Variants in NUP98 observed in about 807,000 individuals in gnomAD.
The protein encoded by NUP98 is nucleoporin 98 and 96 precursor.
In NUP98, 26 loss-of-function variants were observed where a neutral mutation model predicts 191.9. That is an observed-to-expected ratio of 0.14 (90% CI 0.10 to 0.19). The LOEUF (loss-of-function observed/expected upper bound fraction) is 0.19. Ranked by LOEUF, NUP98 falls within the 10% of genes least tolerant of loss-of-function variation. The probability of loss-of-function intolerance (pLI) is 1.00; values close to 1 mark genes in which losing one functional copy is unlikely to be tolerated. For missense variants in NUP98, 1,941 were observed against 2,178.8 expected (o/e 0.89, Z 2.17); for synonymous variants, 808 against 778.4 (o/e 1.04, Z -0.63).
intron 1 of NUP98, among the ~76,000 whole-genome samples, chr11:3,792,038 G>T (rs987679951): frequency 6.6e-6 from 1 of 151,214 alleles, no homozygotes; most frequent in African/African-American, 2.4e-5. Context: ...AATTAGCCGG[G>T]CATGGTGGCA....
At chr11:3,736,433 A>G (rs2080063133) in intron 12 of NUP98, among the ~76,000 whole-genome samples, 1 of 152,180 alleles carries the variant, frequency 6.6e-6, no homozygotes, top group South Asian at 2.1e-4. Flanking sequence ...TGGCGAGCAG[A>G]TCACTTGAGG....
chr11:3,729,715 CAAAAA>C (rs755816362), intron 14 of NUP98, among the ~76,000 whole-genome samples: 1,139 of 37,382 alleles, frequency 0.03, 35 homozygotes, highest in African/African-American at 0.089. Flanking sequence ...ACTCTTGCCT[CAAAAA>C]AAAAAAAAAA....
intron 29 of NUP98, among the ~76,000 whole-genome samples, chr11:3,684,300 C>G (rs922787282): frequency 1.3e-5 from 2 of 152,104 alleles, no homozygotes; most frequent in Admixed American, 6.5e-5. Context: ...TGGGGCTTGG[C>G]TCGGCGCAGT....
intron 12 of NUP98, among the ~76,000 whole-genome samples, chr11:3,736,191 C>G (rs2080054800): frequency 6.6e-6 from 1 of 152,030 alleles, no homozygotes; most frequent in Non-Finnish European, 1.5e-5. Context: ...CTTGGCCTCC[C>G]AAAATGCCAG....
At chr11:3,765,479 T>A (rs577593421) in intron 8 of NUP98, among the ~76,000 whole-genome samples, 4 of 152,332 alleles carry the variant, frequency 2.6e-5, no homozygotes, top group Middle Eastern at 3.4e-3. Flanking sequence ...AACAGTTTTA[T>A]AATTTTAGGT....
chr11:3,714,375 C>A (rs535239082), intron 18 of NUP98, among the ~76,000 whole-genome samples: 1 of 152,166 alleles, frequency 6.6e-6, no homozygotes, highest in East Asian at 1.9e-4. Flanking sequence ...ACAGCTACTA[C>A]CCATTTACTA....
chr11:3,752,742 T>G (rs1366372948), intron 11 of NUP98, among the ~76,000 whole-genome samples: 2 of 152,150 alleles, frequency 1.3e-5, no homozygotes, highest in African/African-American at 4.8e-5. Context: ...GCTAAAACAC[T>G]TATATATTTT....
chr11:3,783,068 T>G (rs2082028712), intron 1 of NUP98, among the ~76,000 whole-genome samples: 1 of 152,202 alleles, frequency 6.6e-6, no homozygotes, highest in African/African-American at 2.4e-5. Flanking sequence ...CTTCTACTTC[T>G]AAGATTACAG....
At chr11:3,690,434 G>A (rs959833288) in intron 28 of NUP98, among the ~76,000 whole-genome samples, 11 of 151,706 alleles carry the variant, frequency 7.3e-5, no homozygotes, top group South Asian at 4.2e-4. Flanking sequence ...TAATTTTTTT[G>A]TATTTTTAGT....
chr11:3,690,625 A>G (rs1277019577), intron 28 of NUP98, among the ~76,000 whole-genome samples: 3 of 152,222 alleles, frequency 2.0e-5, no homozygotes, highest in Non-Finnish European at 4.4e-5. Context: ...AAGATACTAC[A>G]TGCCCAATAA....
intron 28 of NUP98, among the ~76,000 whole-genome samples, chr11:3,691,085 A>C (rs1383360595): frequency 2.6e-5 from 4 of 152,234 alleles, no homozygotes; most frequent in African/African-American, 9.6e-5. Flanking sequence ...AATGGTAGTT[A>C]CAATGCGATA....
In NUP98 at chr11:3,686,072, T is replaced by C; in HGVS notation, c.4577A>G (p.Gln1526Arg). 2 of 1,614,204 alleles carry C rather than the reference T, an allele frequency of 1.2e-6. No individual in the cohort carries two copies. Among genetic ancestry groups the C allele is most frequent in the South Asian group, 2.2e-5 (2 of 91,082 alleles). ...ACTGGCCTGTAGCACACCTTCACACTGCGCTGAGAGATGGGTGTAGTTAAG... is the reference window on the plus strand; with the variant it reads ...ACTGGCCTGTAGCACACCTTCACACCGCGCTGAGAGATGGGTGTAGTTAAG... ...RALNYTHLSA[Q>R]CEGVLQASYA... The change falls in exon 29 of 33, where the codon CAG becomes CGG. Residue 1526 changes from glutamine (Q) to arginine (R), a missense_variant. This residue lies in a region of NUP98 where 1,030 missense variants were observed against 1,115.8 expected (regional missense o/e 0.92). Coordinates refer to ENST00000324932, the MANE Select transcript of NUP98 (RefSeq NM_016320.5).
chr11:3,693,575 T>C (rs575627012), intron 26 of NUP98, among the ~76,000 whole-genome samples, 200 bp from the exon 27 acceptor site: 8 of 152,336 alleles, frequency 5.3e-5, no homozygotes, highest in South Asian at 4.1e-4. Flanking sequence ...GATTGATCGA[T>C]TGATACAGAG....
At chr11:3,717,400 G>C (rs2079223230) in intron 18 of NUP98, among the ~76,000 whole-genome samples, 1 of 152,134 alleles carries the variant, frequency 6.6e-6, no homozygotes, top group African/African-American at 2.4e-5. Context: ...GTATAAACAA[G>C]TCATTTACCT....
chr11:3,713,999 T>C lies in NUP98; in HGVS notation c.2400-4A>G. ...ATCCAATGTAACTTCAGCCTTCCTGTAAAACATAACCAATTAAAGTAACCA... is the reference window on the plus strand; with the variant it reads ...ATCCAATGTAACTTCAGCCTTCCTGCAAAACATAACCAATTAAAGTAACCA... On this transcript the variant is annotated splice_polypyrimidine_tract_variant and splice_region_variant and intron_variant, in intron 18 of 32. Coordinates refer to ENST00000324932, the MANE Select transcript of NUP98 (RefSeq NM_016320.5). 1.2e-6 allele frequency: 2 copies of C among 1,613,650 alleles called. No homozygotes were observed. The highest frequency in any genetic ancestry group is 1.7e-6 in the Non-Finnish European group (2 of 1,179,864).
At chr11:3,745,929 T>G (rs1448334099) in intron 11 of NUP98, among the ~76,000 whole-genome samples, 2 of 152,082 alleles carry the variant, frequency 1.3e-5, no homozygotes, top group Non-Finnish European at 2.9e-5. Context: ...TATAAATCAG[T>G]AAGGATGACT....
At chr11:3,739,741 A>G (rs1476626895) in intron 12 of NUP98, among the ~76,000 whole-genome samples, 1 of 152,192 alleles carries the variant, frequency 6.6e-6, no homozygotes, top group Non-Finnish European at 1.5e-5. Flanking sequence ...TTCTAGGGGA[A>G]AGATGTGGAC....
intron 1 of NUP98, among the ~76,000 whole-genome samples, chr11:3,787,715 C>G (rs1294435616): frequency 2.0e-5 from 3 of 152,036 alleles, no homozygotes; most frequent in Admixed American, 6.6e-5. Context: ...CTTTAAAGGC[C>G]GGGCACGGTG....
intron 8 of NUP98, among the ~76,000 whole-genome samples, chr11:3,765,936 C>T (rs183063465): frequency 9.7e-4 from 148 of 152,270 alleles, no homozygotes; most frequent in African/African-American, 3.4e-3. Flanking sequence ...ATTCTTTCCT[C>T]ACTGAATTGT....
Sources: allele counts gnomAD v4.1 joint callset (sites outside exome capture counted in the v4.1 genomes callset), GRCh38; gene constraint gnomAD v4.1.1; regional missense constraint gnomAD v4.1.1; transcripts MANE v1.5; gene names NCBI Gene and HGNC (gene_info 2026-07-23, HGNC 2026-07-21).